The following KAT2B variants were observed in gnomAD, a reference collection of about 807,000 sequenced individuals.
KAT2B encodes lysine acetyltransferase 2B.
In KAT2B, 36 loss-of-function variants were observed where a neutral mutation model predicts 105.9. The observed-to-expected ratio is 0.34, with a 90% CI of 0.26 to 0.45. The LOEUF is 0.45. Among genes scored for constraint, KAT2B ranks in the 20% least tolerant of loss-of-function variants. The pLI is 1.00. For missense variants in KAT2B, 820 were observed against 1,021.6 expected, an observed-to-expected ratio of 0.80 and a Z score of 2.69; for synonymous variants, 397 against 377.9, an observed-to-expected ratio of 1.05 and a Z score of -0.59.
chr3:20,115,548 T>A (rs6763504), intron 7 of KAT2B, among the ~76,000 whole-genome samples: 62,983 of 152,076 alleles, frequency 0.41, 13,270 homozygotes, highest in Non-Finnish European at 0.43. Context: ...TCAATGTGTA[T>A]TATGGGGGCT....
In KAT2B at chr3:20,152,759, G is replaced by T; in HGVS notation, c.*234G>T. The T allele has an allele frequency of 3.1e-6, 1 of 319,424 alleles. No individual in the cohort carries two copies. The highest frequency in any genetic ancestry group is 6.9e-5 in the South Asian group (1 of 14,566). The allele number at this position is 319,424 out of a possible 1,614,324, so 19.8% of individuals were successfully genotyped here. On this transcript the variant is annotated 3_prime_UTR_variant, in exon 18 of 18. Transcript: ENST00000263754. ...ATTTTAATCTATTTACTACTATTAA[G>T]GTAAATTTTCTATGGCATGTCCATT...
At chr3:20,109,602 G>A (rs975925629) in intron 5 of KAT2B, among the ~76,000 whole-genome samples, 13 of 152,122 alleles carry the variant, frequency 8.5e-5, no homozygotes, top group Non-Finnish European at 4.4e-5. Context: ...ACTGGTGTAA[G>A]CCACCATGCC....
At position 20,122,751 on chromosome 3, in the gene KAT2B, A is replaced by T; in HGVS notation, c.1360A>T (p.Ile454Phe). The change falls in exon 9 of 18, where the codon ATC becomes TTC. Residue 454 changes from isoleucine (I) to phenylalanine (F), a missense_variant. By Grantham distance (21) the Ile-to-Phe change is conservative. Transcript: ENST00000263754. ...RVMGDIPMEL[I>F]NEVMSTITDP... The stretch of plus-strand genomic sequence containing the variant: ...TATGGGGGATATTCCGATGGAATTA[A>T]TCAACGAGGTTATGTCTACCATCAC... The T allele has an allele frequency of 6.2e-7, 1 of 1,614,152 alleles. No individual in the cohort carries two copies. Among genetic ancestry groups the T allele is most frequent in the Non-Finnish European group, 8.5e-7 (1 of 1,179,988 alleles).
At chr3:20,089,678 G>A (rs1698680973) in intron 2 of KAT2B, among the ~76,000 whole-genome samples, 1 of 152,176 alleles carries the variant, frequency 6.6e-6, no homozygotes, top group Non-Finnish European at 1.5e-5. Context: ...GGGACTCCCA[G>A]TGTGAGCCAC....
rs191258963 is a variant in KAT2B at position 20,062,501 on chromosome 3, A to C, written c.304-9832A>C. Among the ~76,000 whole-genome samples, 4 of 144,290 alleles carry C rather than the reference A, an allele frequency of 2.8e-5. No individual in the cohort carries two copies. The East Asian group carries it at 7.9e-4, about 29-fold the overall frequency. 94.7% of individuals were successfully genotyped at this position (144,290 alleles called of 152,430 possible). A position where few individuals can be genotyped will look rare whatever the true frequency, so the allele number is the denominator to read the frequency against. On this transcript the variant is annotated intron_variant, in intron 1 of 17. Coordinates refer to ENST00000263754, the MANE Select transcript of KAT2B (RefSeq NM_003884.5). ...ATATTAGAGGTAGTTTTGCTCTGTC[A>C]CCCAGGCTGGAGTGCAGTGGCATGA...
At chr3:20,128,094 G>A (rs1699438063) in intron 11 of KAT2B, among the ~76,000 whole-genome samples, 1 of 152,168 alleles carries the variant, frequency 6.6e-6, no homozygotes, top group African/African-American at 2.4e-5. Context: ...CAACAAGTAG[G>A]GTTGTACCAA....
intron 1 of KAT2B, among the ~76,000 whole-genome samples, chr3:20,061,216 G>A (rs1176050771): frequency 1.3e-5 from 2 of 152,072 alleles, no homozygotes; most frequent in Non-Finnish European, 1.5e-5. Flanking sequence ...CCTTATCTAA[G>A]TGGAATCATA....
chr3:20,129,083 A>G (rs939156986), intron 11 of KAT2B, among the ~76,000 whole-genome samples: 3 of 151,248 alleles, frequency 2.0e-5, no homozygotes, highest in Non-Finnish European at 4.4e-5. Context: ...GCAGCTCCGG[A>G]TGATTAAGAT....
intron 9 of KAT2B, 54 bp from the exon 10 acceptor site, chr3:20,125,851 C>A: frequency 7.1e-7 from 1 of 1,418,056 alleles, no homozygotes; most frequent in African/African-American, 1.4e-5. Flanking sequence ...GTCCCATCCC[C>A]ACTGTCTTGA....
intron 11 of KAT2B, among the ~76,000 whole-genome samples, chr3:20,134,885 T>C (rs1699574557): frequency 6.6e-6 from 1 of 152,308 alleles, no homozygotes; most frequent in South Asian, 2.1e-4. Context: ...TTTTTTTACT[T>C]AATATGTCTA....
At chr3:20,062,245 AATATATAAAATATG>A (rs1355506505) in intron 1 of KAT2B, among the ~76,000 whole-genome samples, 1 of 26,566 alleles carries the variant, frequency 3.8e-5, no homozygotes. Context: ...TAAAATATAT[AATATATAAAATATG>A]ATATATAATA....
intron 4 of KAT2B, chr3:20,100,945 G>T: frequency 3.8e-6 from 1 of 262,312 alleles, no homozygotes; most frequent in South Asian, 1.2e-4. Flanking sequence ...TCTGCTGATA[G>T]TAAAGCAATA....
intron 17 of KAT2B, among the ~76,000 whole-genome samples, chr3:20,150,651 C>G (rs560063656): frequency 6.6e-6 from 1 of 152,248 alleles, no homozygotes; most frequent in Admixed American, 6.5e-5. Context: ...TGAAAAAACT[C>G]TACGAAGGCC....
At chr3:20,043,198 C>A (rs1439079453) in intron 1 of KAT2B, among the ~76,000 whole-genome samples, 1 of 152,132 alleles carries the variant, frequency 6.6e-6, no homozygotes, top group Admixed American at 6.5e-5. Flanking sequence ...GCCACCATGC[C>A]TGGCTGAAAG....
chr3:20,077,868 G>A (rs1262775911), intron 2 of KAT2B, among the ~76,000 whole-genome samples: 1 of 151,964 alleles, frequency 6.6e-6, no homozygotes, highest in Non-Finnish European at 1.5e-5. Context: ...TCTTATTTTG[G>A]GACTGCTATT....
chr3:20,128,877 C>T (rs1699457101), intron 11 of KAT2B, among the ~76,000 whole-genome samples: 1 of 151,802 alleles, frequency 6.6e-6, no homozygotes, highest in African/African-American at 2.4e-5. Flanking sequence ...TGTGGTGGCA[C>T]ATGCCCGTAG....
At chr3:20,118,646 C>T (rs555739759) in intron 7 of KAT2B, among the ~76,000 whole-genome samples, 47 of 146,054 alleles carry the variant, frequency 3.2e-4, no homozygotes, top group African/African-American at 1.1e-3. Context: ...TAGCTTGAAC[C>T]GGGGAGGCAG....
chr3:20,115,075 T>A, intron 7 of KAT2B, 87 bp downstream of exon 7: 1 of 784,634 alleles, frequency 1.3e-6, no homozygotes, highest in East Asian at 2.5e-5. Context: ...TATACTTAGC[T>A]CTATAGTCAA....
chr3:20,138,243 A>G (rs761108091), intron 12 of KAT2B, among the ~76,000 whole-genome samples: 4 of 152,124 alleles, frequency 2.6e-5, no homozygotes, highest in Non-Finnish European at 5.9e-5. Flanking sequence ...CTCTCAGCTC[A>G]TACCTATGCT....
Sources: gnomAD v4.1 joint callset for allele counts (sites outside exome capture counted in the v4.1 genomes callset) on GRCh38, gnomAD v4.1.1 for gene constraint, MANE v1.5 for transcripts, NCBI Gene and HGNC (gene_info 2026-07-23, HGNC 2026-07-21) for gene names.